Variants in SPATA1 observed in about 807,000 individuals in gnomAD.
The protein encoded by SPATA1 is spermatogenesis-associated protein 1.
SPATA1 carries 57 observed loss-of-function variants against 59.6 expected under a neutral mutation model. The observed-to-expected ratio is 0.96, with a 90% confidence interval of 0.77 to 1.19. The LOEUF (loss-of-function observed/expected upper bound fraction) is 1.19, where lower values mean the gene tolerates loss of function less well. Ranked by LOEUF, SPATA1 falls within the 50% of genes most tolerant of loss-of-function variation. SPATA1 has a pLI of 0.00. For synonymous variants in SPATA1, 147 were observed against 163.9 expected, an observed-to-expected ratio of 0.90 and a Z score of 0.79; for missense variants, 448 against 480.7, an observed-to-expected ratio of 0.93 and a Z score of 0.64.
At chr1:84,556,871 T>C (rs1035660942), downstream of SPATA1, among the ~76,000 whole-genome samples, 4 of 152,196 alleles carry the variant, frequency 2.6e-5, no homozygotes, top group Non-Finnish European at 4.4e-5. Flanking sequence ...GACAAAGCCA[T>C]GCATGCCCTA....
rs34769319 is a variant in SPATA1, at chr1:84,532,954, T to C, written c.639T>C (p.Asp213=). ...GATCATTGGAAGATTCAAATAATGA[T>C]TGCTTTGGCACTAAAAAAAGGTAAT... The change falls in exon 7 of 13, where the codon GAT becomes GAC. Residue 213 remains aspartate (D), a synonymous_variant. Transcript: ENST00000490879. The C allele has an allele frequency of 3.1e-3, 4,869 of 1,551,376 alleles. 136 individuals are homozygous for C. In the African/African-American group the frequency reaches 0.055, roughly 17 times the overall value.
At chr1:84,538,644 G>A (rs774525055) in intron 8 of SPATA1, among the ~76,000 whole-genome samples, 1 of 152,150 alleles carries the variant, frequency 6.6e-6, no homozygotes, top group Non-Finnish European at 1.5e-5. Context: ...AATTTGTAGA[G>A]AGATTTACTG....
At chr1:84,516,431 A>G (rs1434961114) in intron 2 of SPATA1, 36 bp downstream of exon 2, 1 of 1,244,334 alleles carries the variant, frequency 8.0e-7, no homozygotes, top group African/African-American at 1.6e-5. Flanking sequence ...TATAAGAAAG[A>G]CCTGCTTATC....
chr1:84,542,706 T>G (rs1683953119), intron 8 of SPATA1, among the ~76,000 whole-genome samples: 1 of 152,196 alleles, frequency 6.6e-6, no homozygotes, highest in Non-Finnish European at 1.5e-5. Flanking sequence ...GCCCAAATTA[T>G]GTTGTAGGCA....
chr1:84,546,228 C>T lies in SPATA1; in HGVS notation c.946+469C>T, dbSNP rs1161456084. 3.9e-5 allele frequency among the ~76,000 whole-genome samples: 6 copies of T among 151,958 alleles called. No homozygotes were observed. In the East Asian group the frequency reaches 5.8e-4, roughly 15 times the overall value. ...CAGAACTTTGGGAGGCCGAGGCAGG[C>T]GGATCATTTGAGGTCAGGAGTTCGA... On this transcript the variant is annotated intron_variant, in intron 10 of 12. Coordinates refer to ENST00000490879, the Ensembl canonical transcript of SPATA1.
rs1034432284 is a variant in SPATA1 at position 84,540,635 on chromosome 1, A to C, written c.718-3567A>C. 1.1e-4 allele frequency among the ~76,000 whole-genome samples: 17 copies of C among 152,340 alleles called. No homozygotes were observed. In the Middle Eastern group the frequency reaches 0.01, roughly 91 times the overall value. ...GTTTTAGTCTCAGAGTTATAATTAA[A>C]TATGTTCAACACTTAACTGCCAATT... On this transcript the variant is annotated intron_variant, in intron 8 of 12. Coordinates refer to ENST00000490879, the Ensembl canonical transcript of SPATA1.
chr1:84,563,379 C>T, intron 4 of SPATA1: 1 of 1,578,404 alleles, frequency 6.3e-7, no homozygotes, highest in Non-Finnish European at 8.6e-7. Context: ...CTACAAGGAG[C>T]CCCCCGGAAA....
chr1:84,567,238 T>G (rs1684718440), downstream of SPATA1, among the ~76,000 whole-genome samples: 1 of 152,260 alleles, frequency 6.6e-6, no homozygotes, highest in Non-Finnish European at 1.5e-5. Flanking sequence ...CTTTGCTCAG[T>G]AGTTTTCCAA....
At chr1:84,540,381 G>A (rs568810059) in intron 8 of SPATA1, among the ~76,000 whole-genome samples, 1 of 151,006 alleles carries the variant, frequency 6.6e-6, no homozygotes, top group South Asian at 2.1e-4. Context: ...TAGTATTTTC[G>A]GCCCCTCTTT....
rs148603305 is a variant in SPATA1 at position 84,540,123 on chromosome 1, T to C, written c.718-4079T>C. Among the ~76,000 whole-genome samples the C allele has an allele frequency of 1.7e-3, 254 of 152,310 alleles. 1 individual carries two copies. Among genetic ancestry groups the C allele is most frequent in the African/African-American group, 5.8e-3 (242 of 41,582 alleles). On this transcript the variant is annotated intron_variant, in intron 8 of 12. Transcript: ENST00000490879. ...TTTCTGAGTCACTTTGTTTTAGATG[T>C]ATCTCTTATGTACAGCCTAGAGCTG...
chr1:84,507,050 T>C (rs1297474861), intron 1 of SPATA1: 2 of 152,168 alleles, frequency 1.3e-5, no homozygotes, highest in Admixed American at 6.5e-5. Flanking sequence ...CTGCTTGAAA[T>C]TGAGTACCAA....
chr1:84,516,346 A>T (rs868725920), exon 2 of SPATA1: 2 of 1,522,762 alleles, frequency 1.3e-6, no homozygotes, highest in East Asian at 5.0e-5. Flanking sequence ...TATCCCATTC[A>T]GACATTAGTG....
intron 2 of SPATA1, among the ~76,000 whole-genome samples, chr1:84,519,023 TCA>T (rs1682908680): frequency 6.6e-6 from 1 of 152,042 alleles, no homozygotes. Context: ...GCTATATTTC[TCA>T]CAGAGCCAGG....
downstream of SPATA1, chr1:84,555,340 G>A (rs1051146097): frequency 1.5e-5 from 9 of 590,126 alleles, no homozygotes; most frequent in African/African-American, 1.3e-4. Context: ...AGGATACAAT[G>A]AAATAAAAAT....
intron 1 of SPATA1, among the ~76,000 whole-genome samples, chr1:84,511,580 C>A: frequency 6.6e-6 from 1 of 151,134 alleles, no homozygotes; most frequent in African/African-American, 2.4e-5. Context: ...AAACAAACCT[C>A]ATTCCTCCAT....
chr1:84,520,313 C>T (rs1326633649), intron 2 of SPATA1: 2 of 300,646 alleles, frequency 6.7e-6, no homozygotes, highest in Non-Finnish European at 1.2e-5. Context: ...TTACTGCAGG[C>T]CACAGAAAAA....
intron 4 of SPATA1, among the ~76,000 whole-genome samples, chr1:84,525,100 C>T (rs1311291288): frequency 6.6e-6 from 1 of 152,114 alleles, no homozygotes; most frequent in Non-Finnish European, 1.5e-5. Flanking sequence ...CCTCAGCCTC[C>T]CGAGTAGCTG....
chr1:84,539,738 T>C (rs540394280), intron 8 of SPATA1, among the ~76,000 whole-genome samples: 2 of 152,330 alleles, frequency 1.3e-5, no homozygotes, highest in East Asian at 3.9e-4. Context: ...TCCTCTACTT[T>C]GTGGCTTGTC....
At chr1:84,553,192 AT>A (rs1282135206) in exon 13 of SPATA1, 1 of 868,502 alleles carries the variant, frequency 1.2e-6, no homozygotes, top group African/African-American at 1.8e-5. Context: ...TTGTTTAACC[AT>A]TATTCTCCTT....
Sources: allele counts gnomAD v4.1 joint callset (sites outside exome capture counted in the v4.1 genomes callset), GRCh38; gene constraint gnomAD v4.1.1; transcripts MANE v1.5; gene names NCBI Gene and HGNC (gene_info 2026-07-23, HGNC 2026-07-21).